Variants in CBFA2T3 observed in about 807,000 individuals in gnomAD.
The protein encoded by CBFA2T3 is CBFA2/RUNX1 partner transcriptional co-repressor 3, also known as transcriptional corepressor CBFA2T3.
In CBFA2T3, 31 loss-of-function variants were observed where a neutral mutation model predicts 58.6. The ratio of observed to expected loss-of-function variants is 0.53; its 90% CI spans 0.40 to 0.71. The LOEUF (loss-of-function observed/expected upper bound fraction) is 0.71. CBFA2T3 is among the 30% of genes least tolerant of loss of function. CBFA2T3 has a pLI of 0.00. For missense variants in CBFA2T3, 1,076 were observed against 963.1 expected, an observed-to-expected ratio of 1.12 and a Z score of -1.55; for synonymous variants, 531 against 421.9, an observed-to-expected ratio of 1.26 and a Z score of -3.17.
chr16:88,932,403 G>A (rs955010679), intron 1 of CBFA2T3, among the ~76,000 whole-genome samples: 1 of 152,020 alleles, frequency 6.6e-6, no homozygotes, highest in African/African-American at 2.4e-5. Context: ...GGGAGGCTGA[G>A]GTGGGAGGAT....
intron 5 of CBFA2T3, among the ~76,000 whole-genome samples, chr16:88,890,240 G>A (rs1046047665): frequency 1.3e-5 from 2 of 152,186 alleles, no homozygotes; most frequent in African/African-American, 2.4e-5. Context: ...GTCCCTCCAC[G>A]CTGTCTCCTC....
rs76638218 is a variant in CBFA2T3 at position 88,885,399 on chromosome 16, C to T, written c.894-130G>A. On this transcript the variant is annotated intron_variant, in intron 6 of 11. Coordinates refer to ENST00000268679, the MANE Select transcript of CBFA2T3 (RefSeq NM_005187.6). The surrounding 1 kb of genome is among the most constrained non-coding windows in gnomAD (Gnocchi z 5.3). ...GACACGTAAGGGCGAGACAGAAACA[C>T]GGAGCAAAACACCAGCCCCGGGAAG... 7.2e-4 allele frequency: 422 copies of T among 584,042 alleles called. 1 individual carries two copies. Among genetic ancestry groups the T allele is most frequent in the African/African-American group, 7.2e-3 (373 of 51,644 alleles). The allele number at this position is 584,042 out of a possible 1,614,324, so 36.2% of individuals were successfully genotyped here. A position where few individuals can be genotyped will look rare whatever the true frequency, so the allele number is the denominator to read the frequency against.
chr16:88,940,866 G>C (rs1335807091), intron 1 of CBFA2T3, among the ~76,000 whole-genome samples: 1 of 152,172 alleles, frequency 6.6e-6, no homozygotes, highest in Admixed American at 6.5e-5. Context: ...CCGGATGGGT[G>C]GGCGCTGGGC....
intron 1 of CBFA2T3, among the ~76,000 whole-genome samples, chr16:88,961,877 G>A (rs898837169): frequency 9.2e-5 from 12 of 130,714 alleles, no homozygotes; most frequent in African/African-American, 1.8e-4. Flanking sequence ...GACAGTCAGC[G>A]CTGGGCATTC....
At chr16:88,971,833 G>A (rs890170950) in intron 1 of CBFA2T3, among the ~76,000 whole-genome samples, 1 of 152,210 alleles carries the variant, frequency 6.6e-6, no homozygotes, top group Non-Finnish European at 1.5e-5. Context: ...CCCTGAGGCC[G>A]CTCTTCCTGC....
At chr16:88,948,986 C>T (rs528980966) in intron 1 of CBFA2T3, among the ~76,000 whole-genome samples, 1 of 152,290 alleles carries the variant, frequency 6.6e-6, no homozygotes, top group East Asian at 1.9e-4. Flanking sequence ...ACAAACTCCC[C>T]AGTAGATGGT....
intron 1 of CBFA2T3, among the ~76,000 whole-genome samples, chr16:88,972,139 A>G (rs987768097): frequency 4.1e-5 from 6 of 145,816 alleles, no homozygotes; most frequent in Admixed American, 2.7e-4. Flanking sequence ...GTGTGTGGGG[A>G]TGGGCTGGTA....
intron 1 of CBFA2T3, among the ~76,000 whole-genome samples, chr16:88,964,163 C>T (rs545398957): frequency 7.9e-5 from 12 of 152,346 alleles, no homozygotes; most frequent in Non-Finnish European, 1.3e-4. Context: ...TCTGCAAACA[C>T]GGCTTGGGGT....
intron 7 of CBFA2T3, 129 bp downstream of exon 7, chr16:88,884,917 A>AG (rs1256381450): frequency 3.0e-6 from 2 of 657,232 alleles, no homozygotes; most frequent in South Asian, 4.0e-5. Flanking sequence ...GGCAGGGGGA[A>AG]GGGGTCTCCC....
At chr16:88,898,988 A>G (rs1210701689) in intron 2 of CBFA2T3, among the ~76,000 whole-genome samples, 1 of 152,226 alleles carries the variant, frequency 6.6e-6, no homozygotes. Context: ...GGCAGGATAA[A>G]GCCTTAGCCC....
intron 3 of CBFA2T3, among the ~76,000 whole-genome samples, chr16:88,894,106 G>A (rs891075485): frequency 6.6e-6 from 1 of 152,154 alleles, no homozygotes; most frequent in Non-Finnish European, 1.5e-5. Context: ...CTCAGAGCGA[G>A]CCCTCCATTT....
chr16:88,942,965 G>T (rs952956649), intron 1 of CBFA2T3, among the ~76,000 whole-genome samples: 1 of 152,176 alleles, frequency 6.6e-6, no homozygotes, highest in Non-Finnish European at 1.5e-5. Flanking sequence ...TGGGTGTGTT[G>T]CCTAAGGTTA....
At chr16:88,904,013 A>C (rs1305523516) in intron 1 of CBFA2T3, among the ~76,000 whole-genome samples, 1 of 152,172 alleles carries the variant, frequency 6.6e-6, no homozygotes, top group Non-Finnish European at 1.5e-5. Flanking sequence ...CCTAAGGTGG[A>C]GAGGGTGGCC....
rs1213963094 is a variant in CBFA2T3 at position 88,958,522 on chromosome 16, T to A, written c.151+18135A>T. Reference sequence around the variant, plus strand: ...AGCGCTCGTGAGTGCCCCACATCCCTGGGCATCACACGCGTGTCGTCTGGA... The same window carrying A: ...AGCGCTCGTGAGTGCCCCACATCCCAGGGCATCACACGCGTGTCGTCTGGA... On this transcript the variant is annotated intron_variant, in intron 1 of 11. Transcript: ENST00000268679. This position sits in a 1 kb window ranked among gnomAD's most constrained non-coding sequence, Gnocchi z 4.0. Among the ~76,000 whole-genome samples the A allele has an allele frequency of 1.3e-5, 2 of 152,122 alleles. No homozygotes were observed. Among genetic ancestry groups the A allele is most frequent in the Non-Finnish European group, 2.9e-5 (2 of 68,010 alleles).
chr16:88,890,170 T>G (rs554833808), intron 5 of CBFA2T3, among the ~76,000 whole-genome samples: 138 of 152,294 alleles, frequency 9.1e-4, no homozygotes, highest in Non-Finnish European at 1.6e-3. Flanking sequence ...CCCCGCTACC[T>G]GGGAGGCTGA....
chr16:88,889,194 A>T (rs1469639189), intron 5 of CBFA2T3, among the ~76,000 whole-genome samples: 2 of 151,392 alleles, frequency 1.3e-5, no homozygotes, highest in Admixed American at 6.6e-5. Context: ...ACGACGCCAG[A>T]TGGGCCCAGG....
Position 88,877,091 on chromosome 16 carries a change from C to A in CBFA2T3, c.1847G>T (p.Ser616Ile). Residue 616 changes from serine to isoleucine, a missense_variant, in exon 12 of 12, where the codon AGC becomes ATC. Transcript: ENST00000268679. ...PVPGPPEAAH[S>I]LGPSLPVGAA... ...ACCCACAGGCAGGGAGGGGCCCAGG[C>A]TGTGGGCGGCTTCGGGCGGTCCAGG... is the stretch of plus-strand genomic sequence containing the variant. The A allele has an allele frequency of 6.5e-7, 1 of 1,541,920 alleles. No homozygotes were observed. Among genetic ancestry groups the A allele is most frequent in the Non-Finnish European group, 8.7e-7 (1 of 1,143,040 alleles).
chr16:88,963,578 CTG>C (rs1013189762), intron 1 of CBFA2T3, among the ~76,000 whole-genome samples: 9 of 152,316 alleles, frequency 5.9e-5, no homozygotes, highest in African/African-American at 2.2e-4. Flanking sequence ...CAAATCCACT[CTG>C]TCTCTGTGGA....
intron 1 of CBFA2T3, among the ~76,000 whole-genome samples, chr16:88,960,298 C>T (rs767544987): frequency 3.9e-5 from 6 of 152,174 alleles, no homozygotes; most frequent in East Asian, 1.9e-4. Context: ...AATGGGACTG[C>T]GTCACCTGCT....
Sources: allele counts gnomAD v4.1 joint callset (sites outside exome capture counted in the v4.1 genomes callset), GRCh38; gene constraint gnomAD v4.1.1; non-coding constraint Gnocchi (gnomAD v3.1); transcripts MANE v1.5; gene names NCBI Gene and HGNC (gene_info 2026-07-23, HGNC 2026-07-21).